The following SUMF1 variants were observed in gnomAD, a reference collection of about 807,000 sequenced individuals.
The protein encoded by SUMF1 is sulfatase modifying factor 1, also known as formylglycine-generating enzyme.
In SUMF1, 48 loss-of-function variants were observed where a neutral mutation model predicts 47.6. The observed-to-expected ratio is 1.01, with a 90% CI of 0.80 to 1.28. SUMF1 has a LOEUF of 1.28. SUMF1 is among the 50% of genes most tolerant of loss of function. SUMF1 has a pLI of 0.00. For missense variants in SUMF1, 571 were observed against 485.4 expected (o/e 1.18, Z -1.66); for synonymous variants, 230 against 192.1 (o/e 1.20, Z -1.63).
chr3:4,412,814 A>T (rs1008974006), intron 6 of SUMF1, among the ~76,000 whole-genome samples: 1 of 152,128 alleles, frequency 6.6e-6, no homozygotes, highest in African/African-American at 2.4e-5. Context: ...TGCTAAACCC[A>T]GGAGGCAGAG....
intron 8 of SUMF1, among the ~76,000 whole-genome samples, chr3:4,071,613 G>A (rs976922403): frequency 3.3e-5 from 5 of 152,356 alleles, no homozygotes; most frequent in Non-Finnish European, 7.3e-5. Context: ...CTGGAGCTTA[G>A]TGGGGGGAGG....
chr3:4,183,585 T>C (rs1473903195), intron 8 of SUMF1, among the ~76,000 whole-genome samples: 1 of 152,094 alleles, frequency 6.6e-6, no homozygotes, highest in Non-Finnish European at 1.5e-5. Flanking sequence ...GTTAACTAAT[T>C]ACAGAGAAAA....
intron 8 of SUMF1, among the ~76,000 whole-genome samples, chr3:4,216,158 A>G (rs1483404927): frequency 6.6e-6 from 1 of 152,182 alleles, no homozygotes; most frequent in Admixed American, 6.5e-5. Context: ...AGGCTACAGT[A>G]ACAAAAACAG....
chr3:4,084,608 G>C (rs1221640144), intron 8 of SUMF1, among the ~76,000 whole-genome samples: 1 of 152,002 alleles, frequency 6.6e-6, no homozygotes, highest in East Asian at 1.9e-4. Flanking sequence ...AGAAACTCAA[G>C]ACTTAAGTTT....
chr3:4,134,578 C>T (rs1693874962), intron 8 of SUMF1, among the ~76,000 whole-genome samples: 1 of 152,188 alleles, frequency 6.6e-6, no homozygotes, highest in Non-Finnish European at 1.5e-5. Flanking sequence ...CAAGAGCAAA[C>T]ACATTCAAAA....
intron 8 of SUMF1, among the ~76,000 whole-genome samples, chr3:4,220,633 A>T (rs999553007): frequency 9.2e-5 from 14 of 151,864 alleles, no homozygotes; most frequent in African/African-American, 2.9e-4. Context: ...TATCTTTCTC[A>T]TAGCAGATGC....
At chr3:4,237,265 G>C (rs993182251) in intron 8 of SUMF1, among the ~76,000 whole-genome samples, 2 of 152,084 alleles carry the variant, frequency 1.3e-5, no homozygotes, top group African/African-American at 2.4e-5. Context: ...AGGAGTTCCT[G>C]TTGCTCCATG....
chr3:4,171,901 G>A lies in SUMF1; in HGVS notation c.1015-103156C>T, dbSNP rs529752149. 6.3e-4 allele frequency among the ~76,000 whole-genome samples: 96 copies of A among 152,090 alleles called. 1 individual carries two copies. The highest frequency in any genetic ancestry group is 2.4e-3 in the Admixed American group (37 of 15,272). On this transcript the variant is annotated intron_variant and NMD_transcript_variant, in intron 8 of 12. Transcript: ENST00000448413. ...AGGAATGAGACAGTAGTCCAACCACGATATCCTTCTGTGCCAGTCAGAGGA... is the reference window on the plus strand; with the variant it reads ...AGGAATGAGACAGTAGTCCAACCACAATATCCTTCTGTGCCAGTCAGAGGA...
intron 8 of SUMF1, among the ~76,000 whole-genome samples, chr3:4,171,010 T>A (rs753650902): frequency 1.4e-4 from 22 of 152,192 alleles, no homozygotes; most frequent in Non-Finnish European, 2.8e-4. Context: ...AAACTCTGCA[T>A]TTGCATCAGA....
At chr3:4,169,539 G>A (rs571005343) in intron 8 of SUMF1, among the ~76,000 whole-genome samples, 11 of 152,276 alleles carry the variant, frequency 7.2e-5, no homozygotes, top group African/African-American at 2.2e-4. Flanking sequence ...GCCTTTAGAA[G>A]AAGCATGCCC....
chr3:4,353,249 AATTAAG>A (rs1224749048), intron 8 of SUMF1, among the ~76,000 whole-genome samples: 1 of 152,146 alleles, frequency 6.6e-6, no homozygotes, highest in African/African-American at 2.4e-5. Flanking sequence ...TTTAAGAAAA[AATTAAG>A]ATTAGGAATT....
intron 8 of SUMF1, among the ~76,000 whole-genome samples, chr3:4,187,218 A>G (rs1486280507): frequency 6.6e-6 from 1 of 151,924 alleles, no homozygotes; most frequent in Non-Finnish European, 1.5e-5. Flanking sequence ...AAAAATAAAA[A>G]CATTAGCCAG....
At chr3:4,420,684 C>A (rs915350517) in intron 3 of SUMF1, among the ~76,000 whole-genome samples, 2 of 152,136 alleles carry the variant, frequency 1.3e-5, no homozygotes, top group Non-Finnish European at 2.9e-5. Context: ...GAGTGAGCCA[C>A]CACACCCGGC....
intron 3 of SUMF1, among the ~76,000 whole-genome samples, chr3:4,441,345 T>C (rs1218301357): frequency 6.6e-6 from 1 of 152,240 alleles, no homozygotes; most frequent in African/African-American, 2.4e-5. Flanking sequence ...AAACAAGCTC[T>C]GGGCTCCCAC....
intron 8 of SUMF1, among the ~76,000 whole-genome samples, chr3:4,339,364 A>G (rs561454798): frequency 6.6e-6 from 1 of 152,206 alleles, no homozygotes; most frequent in South Asian, 2.1e-4. Flanking sequence ...AGGAAGATCA[A>G]GAGCTGCTGC....
chr3:4,296,664 C>A (rs1314432754), intron 8 of SUMF1, among the ~76,000 whole-genome samples: 1 of 152,180 alleles, frequency 6.6e-6, no homozygotes. Flanking sequence ...CTGGGTCCCT[C>A]CCACGACACG....
chr3:4,317,673 A>G (rs1334388666), intron 8 of SUMF1: 2 of 155,608 alleles, frequency 1.3e-5, no homozygotes, highest in African/African-American at 4.8e-5. Context: ...AGTGGCTGTT[A>G]GATTTTGTTC....
At chr3:4,392,057 G>C (rs1350286504) in intron 7 of SUMF1, among the ~76,000 whole-genome samples, 1 of 151,650 alleles carries the variant, frequency 6.6e-6, no homozygotes, top group Non-Finnish European at 1.5e-5. Flanking sequence ...CAAACTCCCA[G>C]GCTCAAGCGA....
At chr3:4,087,364 A>G (rs1692694356) in intron 8 of SUMF1, among the ~76,000 whole-genome samples, 5 of 152,146 alleles carry the variant, frequency 3.3e-5, no homozygotes, top group Admixed American at 3.3e-4. Context: ...GCCATATGAC[A>G]TAGGTAAGAT....
Sources: allele counts gnomAD v4.1 joint callset (sites outside exome capture counted in the v4.1 genomes callset), GRCh38; gene constraint gnomAD v4.1.1; transcripts MANE v1.5; gene names NCBI Gene and HGNC (gene_info 2026-07-23, HGNC 2026-07-21).